Variants in FAM117A observed in about 807,000 individuals in gnomAD.
FAM117A encodes family with sequence similarity 117 member A.
FAM117A carries 21 observed loss-of-function variants against 44.1 expected under a neutral mutation model. The ratio of observed to expected loss-of-function variants is 0.48; its 90% CI spans 0.34 to 0.69. The LOEUF (loss-of-function observed/expected upper bound fraction) is 0.69, where lower values mean the gene tolerates loss of function less well. Among genes scored for constraint, FAM117A ranks in the 30% least tolerant of loss-of-function variants. The pLI is 0.01. For missense variants in FAM117A, 498 were observed against 589.9 expected (o/e 0.84, Z 1.61); for synonymous variants, 220 against 238.3 (o/e 0.92, Z 0.71).
At chr17:49,748,792 C>CT (rs1370086631) in intron 1 of FAM117A, among the ~76,000 whole-genome samples, 56 of 152,162 alleles carry the variant, frequency 3.7e-4, no homozygotes, top group Non-Finnish European at 4.0e-4. Flanking sequence ...ACCCCCAACT[C>CT]TGACAGCTGG....
chr17:49,713,243 A>T (rs902832070), intron 7 of FAM117A, among the ~76,000 whole-genome samples: 2 of 152,106 alleles, frequency 1.3e-5, no homozygotes, highest in Admixed American at 6.6e-5. Context: ...TTGTTTAGGA[A>T]GATGGGATGA....
At chr17:49,727,633 A>G (rs1442528909) in intron 2 of FAM117A, among the ~76,000 whole-genome samples, 1 of 152,156 alleles carries the variant, frequency 6.6e-6, no homozygotes, top group Non-Finnish European at 1.5e-5. Flanking sequence ...ATGTGGAAGG[A>G]CAGCTGGGCA....
intron 1 of FAM117A, among the ~76,000 whole-genome samples, chr17:49,763,123 TAC>T (rs10603200): frequency 0.31 from 43,724 of 140,836 alleles, 6,425 homozygotes; most frequent in Middle Eastern, 0.36. Flanking sequence ...TCCCCCCCGC[TAC>T]ACACACACAC....
chr17:49,741,077 G>A (rs570411115), intron 1 of FAM117A, among the ~76,000 whole-genome samples: 3 of 151,922 alleles, frequency 2.0e-5, no homozygotes, highest in Non-Finnish European at 4.4e-5. Context: ...TAAAGACAGG[G>A]CTACTCTCCA....
chr17:49,740,969 G>A (rs1398374590), intron 1 of FAM117A, among the ~76,000 whole-genome samples: 3 of 152,134 alleles, frequency 2.0e-5, no homozygotes, highest in Non-Finnish European at 4.4e-5. Context: ...TTTACAAGGG[G>A]AAACAAGCCC....
At chr17:49,770,672 G>A (rs1447925921) in intron 1 of FAM117A, among the ~76,000 whole-genome samples, 1 of 152,214 alleles carries the variant, frequency 6.6e-6, no homozygotes, top group Non-Finnish European at 1.5e-5. Context: ...GGGAGGCCAA[G>A]GTGGGAGGAT....
At chr17:49,787,518 C>T (rs896376387) in intron 1 of FAM117A, among the ~76,000 whole-genome samples, 7 of 152,150 alleles carry the variant, frequency 4.6e-5, no homozygotes, top group African/African-American at 1.7e-4. Flanking sequence ...AGATATTTAC[C>T]TTCTGCTTCT....
chr17:49,722,675 G>A, intron 2 of FAM117A, 81 bp from the exon 3 acceptor site: 4 of 1,138,306 alleles, frequency 3.5e-6, no homozygotes, highest in Non-Finnish European at 5.2e-6. Flanking sequence ...TCTGGGTAGA[G>A]GTGATGGCCC....
upstream of FAM117A, chr17:49,764,287 A>G (rs2073737136): frequency 9.1e-6 from 3 of 330,828 alleles, no homozygotes; most frequent in East Asian, 1.4e-4. Flanking sequence ...TTGGTCGATG[A>G]GCCTAGCGAT....
chr17:49,734,004 G>A (rs182141563), intron 1 of FAM117A, among the ~76,000 whole-genome samples: 12 of 151,962 alleles, frequency 7.9e-5, no homozygotes, highest in Non-Finnish European at 1.5e-4. Flanking sequence ...TTAGCCAGGC[G>A]TGGTGGCAGG....
Position 49,763,906 on chromosome 17 carries a change from C to G in FAM117A, c.182G>C (p.Gly61Ala). The change falls in exon 1 of 8, where the codon GGG becomes GCG. Residue 61 changes from glycine (G) to alanine (A), a missense_variant. This residue lies in a region of FAM117A where 270 missense variants were observed against 277.4 expected (regional missense o/e 0.97). Transcript: ENST00000240364. ...GCCCGGCTCACCTGCACGGCCACCC[C>G]CGTCCCGGCGCTGGTGCGGCTGCTG... ...QLQQPHQRRD[G>A]GGRAASVPCS... 1 of 1,236,792 alleles carries G rather than the reference C, an allele frequency of 8.1e-7. No individual in the cohort carries two copies. Among genetic ancestry groups the G allele is most frequent in the Non-Finnish European group, 1.0e-6 (1 of 991,194 alleles). The allele number at this position is 1,236,792 out of a possible 1,614,324, so 76.6% of individuals were successfully genotyped here.
At chr17:49,751,279 CAAAAAAAA>C (rs746063068) in intron 1 of FAM117A, among the ~76,000 whole-genome samples, 2 of 42,560 alleles carry the variant, frequency 4.7e-5, no homozygotes, top group Admixed American at 2.5e-4. Flanking sequence ...AATCTGTCTC[CAAAAAAAA>C]AAAAAAAAAA....
chr17:49,745,145 A>G (rs2073650203), intron 1 of FAM117A, among the ~76,000 whole-genome samples: 1 of 152,140 alleles, frequency 6.6e-6, no homozygotes, highest in Non-Finnish European at 1.5e-5. Context: ...GGCTGATGGT[A>G]TATGTTTTAG....
At chr17:49,782,376 C>CAAAAA (rs1193854249) in intron 1 of FAM117A, among the ~76,000 whole-genome samples, 3 of 18,090 alleles carry the variant, frequency 1.7e-4, no homozygotes, top group Admixed American at 7.2e-4. Flanking sequence ...GACTCCGTCT[C>CAAAAA]AAAAAAAAAA....
intron 1 of FAM117A, among the ~76,000 whole-genome samples, chr17:49,733,958 C>T (rs1001469232): frequency 4.6e-5 from 7 of 151,418 alleles, no homozygotes; most frequent in Non-Finnish European, 7.4e-5. Flanking sequence ...CTAGCTAACA[C>T]GGTGAAGCCG....
rs747176001 is a variant in FAM117A at position 49,719,888 on chromosome 17, G to C, written c.580C>G (p.Pro194Ala). Reference protein sequence around the residue: ...HAVRGALRASPPSFPSGSPVL... With the variant: ...HAVRGALRASAPSFPSGSPVL... Reference sequence around the variant, plus strand: ...GGGGACCCTGAGGGGAAGCTGGGAGGGGACGCCTGAGGAAGAGGCAAATGA... The same window carrying C: ...GGGGACCCTGAGGGGAAGCTGGGAGCGGACGCCTGAGGAAGAGGCAAATGA... Residue 194 changes from proline (P) to alanine (A), a missense_variant, in exon 5 of 8, where the codon CCT (proline) becomes GCT (alanine). Pro to Ala is a conservative substitution (Grantham distance 27). This residue lies in a region of FAM117A where 270 missense variants were observed against 277.4 expected (regional missense o/e 0.97). Transcript: ENST00000240364. 18 of 1,602,160 alleles carry C rather than the reference G, an allele frequency of 1.1e-5. No individual in the cohort carries two copies. The African/African-American group carries it at 2.3e-4, about 20-fold the overall frequency.
chr17:49,758,658 T>C (rs1216397065), intron 1 of FAM117A, among the ~76,000 whole-genome samples: 2 of 146,528 alleles, frequency 1.4e-5, no homozygotes, highest in Non-Finnish European at 3.0e-5. Context: ...AATAAATAAA[T>C]AAATAAATAA....
At chr17:49,784,489 G>C (rs185611826) in intron 1 of FAM117A, among the ~76,000 whole-genome samples, 97 of 152,284 alleles carry the variant, frequency 6.4e-4, no homozygotes, top group African/African-American at 2.3e-3. Flanking sequence ...ACAGAAGGGT[G>C]CTGAACACTC....
At chr17:49,748,622 A>G (rs2073662990) in intron 1 of FAM117A, among the ~76,000 whole-genome samples, 1 of 152,226 alleles carries the variant, frequency 6.6e-6, no homozygotes, top group Non-Finnish European at 1.5e-5. Context: ...GGCCCCTGAA[A>G]AAAAATATTT....
Sources: gnomAD v4.1 joint callset for allele counts (sites outside exome capture counted in the v4.1 genomes callset) on GRCh38, gnomAD v4.1.1 for gene constraint, gnomAD v4.1.1 regional missense constraint, MANE v1.5 for transcripts, NCBI Gene and HGNC (gene_info 2026-07-23, HGNC 2026-07-21) for gene names.